The following HECTD2 variants were observed in gnomAD, a reference collection of about 807,000 sequenced individuals.
HECTD2 encodes probable E3 ubiquitin-protein ligase HECTD2.
In HECTD2, 35 loss-of-function variants were observed where a neutral mutation model predicts 103.2. That is an observed-to-expected ratio of 0.34 (90% CI 0.26 to 0.45). HECTD2 has a LOEUF of 0.45. HECTD2 is among the 20% of genes least tolerant of loss of function. HECTD2 has a pLI of 1.00. For missense variants in HECTD2, 596 were observed against 937.4 expected (o/e 0.64, Z 4.76); for synonymous variants, 281 against 329.9 (o/e 0.85, Z 1.61).
At chr10:91,510,015 T>C (rs1051186870) in intron 20 of HECTD2, among the ~76,000 whole-genome samples, 5 of 152,078 alleles carry the variant, frequency 3.3e-5, no homozygotes, top group South Asian at 2.1e-4. Flanking sequence ...CAGAAAAAGA[T>C]AGTGAATAGT....
rs539567723 is a variant in HECTD2, at chr10:91,498,788, T to C, written c.1756-84T>C. On this transcript the variant is annotated intron_variant, in intron 16 of 20. Transcript: ENST00000298068. The stretch of plus-strand genomic sequence containing the variant: ...GTTTAGAAGGAAGGGGGAAAAAAAC[T>C]GTTTTTTAAATTTTACAAACCTGTT... The C allele has an allele frequency of 1.8e-5, 14 of 774,238 alleles. No individual in the cohort carries two copies. In the African/African-American group the frequency reaches 2.1e-4, roughly 12 times the overall value. The allele number at this position is 774,238 out of a possible 1,614,324, so 48.0% of individuals were successfully genotyped here.
Position 91,487,723 on chromosome 10 carries a change from C to A in HECTD2, c.1136C>A (p.Ala379Glu). Residue 379 changes from alanine (A) to glutamate (E), a missense_variant, in exon 11 of 21, where the codon GCA (alanine) becomes GAA (glutamate). Physicochemically the swap from Ala to Glu is moderately radical, Grantham distance 107. Transcript: ENST00000298068. The surrounding 1 kb of genome is among the most constrained non-coding windows in gnomAD (Gnocchi z 4.1). ...CQYPFVISVA[A>E]KKIIIQRDSE... ...TACCCATTCGTTATTTCTGTAGCTGCAAAAAAAATCATTATTCAGAGAGAC... is the reference window on the plus strand; with the variant it reads ...TACCCATTCGTTATTTCTGTAGCTGAAAAAAAAATCATTATTCAGAGAGAC... 6.2e-7 allele frequency: 1 copy of A among 1,605,434 alleles called. No individual in the cohort carries two copies. Among genetic ancestry groups the A allele is most frequent in the Non-Finnish European group, 8.5e-7 (1 of 1,176,010 alleles).
At position 91,513,394 on chromosome 10, in the gene HECTD2, CAAT is replaced by C. The variant is rs1362275812; in HGVS notation, c.*1016_*1018del. 6.6e-6 allele frequency: 1 copy of C among 152,432 alleles called. No homozygotes were observed. Among genetic ancestry groups the C allele is most frequent in the Non-Finnish European group, 1.5e-5 (1 of 67,972 alleles). The allele number at this position is 152,432 out of a possible 1,614,324, so 9.4% of individuals were successfully genotyped here. A position where few individuals can be genotyped will look rare whatever the true frequency, so the allele number is the denominator to read the frequency against. On this transcript the variant is annotated 3_prime_UTR_variant, in exon 21 of 21. Transcript: ENST00000298068. ...TTAAAGTATTTGACAAAAGTGAATACAATAATAACACTTGTGTCAAAATGATAT... is the reference window on the plus strand; with the variant it reads ...TTAAAGTATTTGACAAAAGTGAATACAATAACACTTGTGTCAAAATGATAT...
At chr10:91,437,619 CT>C (rs59785873) in intron 2 of HECTD2, among the ~76,000 whole-genome samples, 14,116 of 87,452 alleles carry the variant, frequency 0.16, 813 homozygotes, top group African/African-American at 0.22. Flanking sequence ...GATGGTTGTT[CT>C]TTTTTTTTTT....
chr10:91,412,488 C>T (rs1386985363), intron 1 of HECTD2, among the ~76,000 whole-genome samples: 2 of 148,630 alleles, frequency 1.3e-5, no homozygotes, highest in Non-Finnish European at 3.0e-5. Context: ...CGGAGTCTTG[C>T]TCTGTCGCCA....
intron 2 of HECTD2, among the ~76,000 whole-genome samples, chr10:91,433,331 T>G (rs1292396840): frequency 6.6e-6 from 1 of 152,014 alleles, no homozygotes; most frequent in Non-Finnish European, 1.5e-5. Context: ...CTCTCTTTTC[T>G]GTTATCTCTT....
At position 91,425,330 on chromosome 10, in the gene HECTD2, T is replaced by C; in HGVS notation, c.188T>C (p.Ile63Thr). Residue 63 changes from isoleucine (I) to threonine (T), a missense_variant, in exon 2 of 21, where the codon ATT becomes ACT. Around this residue, in one of 4 missense-constraint regions of HECTD2, gnomAD observed 220 missense variants for 233.9 expected, o/e 0.94. Transcript: ENST00000298068. ...CAAATTTCCACTTTCAGCAGTTTTA[T>C]TTCAGCTGTTAGCCCGAAGAAAGAA... ...KGQISTFSSF[I>T]SAVSPKKEAA... is the part of the protein sequence containing the mutation. 1 of 1,545,182 alleles carries C rather than the reference T, an allele frequency of 6.5e-7. No homozygotes were observed. The highest frequency in any genetic ancestry group is 2.3e-5 in the East Asian group (1 of 42,730).
At chr10:91,498,608 T>C (rs1275577177) in intron 16 of HECTD2, among the ~76,000 whole-genome samples, 1 of 152,182 alleles carries the variant, frequency 6.6e-6, no homozygotes, top group Admixed American at 6.5e-5. Flanking sequence ...CTGTGTATTA[T>C]CTAGATGTCC....
At chr10:91,427,823 G>C (rs1045478092) in intron 2 of HECTD2, among the ~76,000 whole-genome samples, 5 of 151,792 alleles carry the variant, frequency 3.3e-5, no homozygotes, top group Non-Finnish European at 5.9e-5. Context: ...CCATTTTGTA[G>C]GTTGCCTGTT....
At chr10:91,470,973 GACACAC>G (rs139385765) in intron 5 of HECTD2, among the ~76,000 whole-genome samples, 1 of 148,802 alleles carries the variant, frequency 6.7e-6, no homozygotes, top group African/African-American at 2.6e-5. Flanking sequence ...GTGTGGCAGA[GACACAC>G]ACACACACAC....
intron 20 of HECTD2, among the ~76,000 whole-genome samples, chr10:91,505,416 G>T (rs911724053): frequency 1.4e-4 from 21 of 152,162 alleles, no homozygotes; most frequent in African/African-American, 4.6e-4. Context: ...CAAAATAAAG[G>T]GATGGAGGAA....
chr10:91,440,015 A>G (rs911651838), intron 2 of HECTD2, among the ~76,000 whole-genome samples: 1 of 152,132 alleles, frequency 6.6e-6, no homozygotes, highest in African/African-American at 2.4e-5. Flanking sequence ...ATATATAATC[A>G]TGTCATCTGC....
intron 16 of HECTD2, among the ~76,000 whole-genome samples, chr10:91,498,390 A>G (rs1846766600): frequency 6.6e-6 from 1 of 152,244 alleles, no homozygotes; most frequent in African/African-American, 2.4e-5. Context: ...CTAAGGGTTC[A>G]GAGTACTCTC....
chr10:91,497,315 C>T (rs1589544262), intron 15 of HECTD2, among the ~76,000 whole-genome samples: 1 of 135,616 alleles, frequency 7.4e-6, no homozygotes, highest in Non-Finnish European at 1.6e-5. Context: ...CTGCCCAAGA[C>T]AGTCTTGCTC....
intron 2 of HECTD2, among the ~76,000 whole-genome samples, chr10:91,433,384 A>G (rs1028439902): frequency 1.1e-4 from 16 of 151,980 alleles, no homozygotes; most frequent in African/African-American, 3.9e-4. Flanking sequence ...AAGCAAATAT[A>G]AATAAATATT....
At chr10:91,455,034 G>C (rs1013930348) in intron 2 of HECTD2, among the ~76,000 whole-genome samples, 2 of 152,140 alleles carry the variant, frequency 1.3e-5, no homozygotes, top group African/African-American at 4.8e-5. Context: ...AAACATACGT[G>C]TGCATGTGTC....
intron 2 of HECTD2, among the ~76,000 whole-genome samples, chr10:91,457,520 A>G (rs1459260424): frequency 1.3e-5 from 2 of 151,998 alleles, no homozygotes; most frequent in East Asian, 1.9e-4. Context: ...AAAAATATCA[A>G]TTAATGTAAT....
chr10:91,471,370 A>G (rs1845721306), intron 5 of HECTD2, among the ~76,000 whole-genome samples: 1 of 152,206 alleles, frequency 6.6e-6, no homozygotes, highest in Non-Finnish European at 1.5e-5. Flanking sequence ...CATCATACTG[A>G]ATGAGCAAAA....
intron 20 of HECTD2, among the ~76,000 whole-genome samples, chr10:91,504,921 C>T (rs1463392018): frequency 1.5e-4 from 23 of 152,278 alleles, no homozygotes; most frequent in African/African-American, 2.6e-4. Context: ...AGACTAACAG[C>T]GGATCTCTTG....
Sources: allele counts gnomAD v4.1 joint callset (sites outside exome capture counted in the v4.1 genomes callset), GRCh38; gene constraint gnomAD v4.1.1; regional missense constraint gnomAD v4.1.1; non-coding constraint Gnocchi (gnomAD v3.1); transcripts MANE v1.5; gene names NCBI Gene and HGNC (gene_info 2026-07-23, HGNC 2026-07-21).